The following DDX60L variants were observed in gnomAD, a reference collection of about 807,000 sequenced individuals.
DDX60L encodes the protein DExD/H-box 60 like, also known as probable ATP-dependent RNA helicase DDX60-like.
Under a neutral mutation model 211.6 loss-of-function variants are expected in DDX60L, and 191 were observed. The observed-to-expected ratio is 0.90, with a 90% CI of 0.80 to 1.02. The LOEUF is 1.02. DDX60L is among the 50% of genes least tolerant of loss of function. The pLI, the probability that DDX60L is intolerant of heterozygous loss-of-function variation, is 0.00. For synonymous variants in DDX60L, 706 were observed against 694.1 expected, an observed-to-expected ratio of 1.02 and a Z score of -0.27; for missense variants, 2,007 against 1,984.1, an observed-to-expected ratio of 1.01 and a Z score of -0.22.
chr4:168,450,557 A>C (rs1755669059), intron 8 of DDX60L, among the ~76,000 whole-genome samples: 1 of 151,822 alleles, frequency 6.6e-6, no homozygotes, highest in Non-Finnish European at 1.5e-5. Context: ...ATACCCATCC[A>C]CTCACTATTG....
chr4:168,362,094 C>T (rs2634933), intron 36 of DDX60L, among the ~76,000 whole-genome samples: 125,053 of 151,938 alleles, frequency 0.82, 51,629 homozygotes, highest in African/African-American at 0.88. Context: ...TCGTGCTGCG[C>T]AGCCAGAAAA....
At chr4:168,472,833 C>G in intron 1 of DDX60L, 24 bp from the exon 2 acceptor site, 1 of 910,170 alleles carries the variant, frequency 1.1e-6, no homozygotes. Context: ...AAAAATAGAA[C>G]TGCAGTTATT....
chr4:168,461,068 G>C (rs1033244913), intron 5 of DDX60L, among the ~76,000 whole-genome samples: 1 of 152,126 alleles, frequency 6.6e-6, no homozygotes, highest in South Asian at 2.1e-4. Context: ...CTCACTGTTC[G>C]AGAGTTTTTA....
At chr4:168,372,167 G>C (rs573027672) in intron 35 of DDX60L, among the ~76,000 whole-genome samples, 5 of 152,136 alleles carry the variant, frequency 3.3e-5, no homozygotes, top group Admixed American at 3.3e-4. Context: ...GACCTTGAAA[G>C]GAGTGTCATG....
At chr4:168,381,417 G>A (rs1742932367) in intron 30 of DDX60L, among the ~76,000 whole-genome samples, 1 of 151,978 alleles carries the variant, frequency 6.6e-6, no homozygotes, top group Admixed American at 6.6e-5. Context: ...GGGACTACAG[G>A]TATATGCCAC....
At chr4:168,393,158 A>G (rs1217266334) in intron 28 of DDX60L, among the ~76,000 whole-genome samples, 1 of 152,206 alleles carries the variant, frequency 6.6e-6, no homozygotes, top group Non-Finnish European at 1.5e-5. Flanking sequence ...AACAGCAAGA[A>G]ACAACTTTTA....
At chr4:168,438,907 C>G (rs2130135) in intron 10 of DDX60L, among the ~76,000 whole-genome samples, 1 of 151,986 alleles carries the variant, frequency 6.6e-6, no homozygotes, top group African/African-American at 2.4e-5. Flanking sequence ...TTTTTGTTTT[C>G]TTCTTTTATC....
Position 168,461,927 on chromosome 4 carries a change from G to A in DDX60L, c.378C>T (p.Cys126=), listed in dbSNP as rs1186589623. The part of the protein sequence containing the change: ...NIDVQTEFSG[C]LSQDWKLFLE... ...AGAATAACTTCCAATCTTGTGATAA[G>A]CATCCAGAAAACTCCGTTTGCACAT... is the stretch of plus-strand genomic sequence containing the variant. Residue 126 remains cysteine (C), a synonymous_variant, in exon 5 of 38, where the codon TGC becomes TGT. Transcript: ENST00000682922. The A allele has an allele frequency of 1.2e-6, 2 of 1,612,516 alleles. No homozygotes were observed. The highest frequency in any genetic ancestry group is 2.2e-5 in the South Asian group (2 of 90,760).
chr4:168,465,450 T>C (rs1486543276), intron 4 of DDX60L, among the ~76,000 whole-genome samples: 1 of 152,188 alleles, frequency 6.6e-6, no homozygotes, highest in Non-Finnish European at 1.5e-5. Context: ...AAGGTGTCTC[T>C]TTACTCTGTT....
intron 9 of DDX60L, 121 bp downstream of exon 9, chr4:168,448,517 G>A (rs1371640073): frequency 1.5e-6 from 1 of 665,214 alleles, no homozygotes. Context: ...TACGTAAAAA[G>A]TATGTACACA....
chr4:168,427,623 C>T (rs1423022981), intron 13 of DDX60L, among the ~76,000 whole-genome samples: 1 of 152,030 alleles, frequency 6.6e-6, no homozygotes, highest in Non-Finnish European at 1.5e-5. Context: ...AAAGAGTAGC[C>T]ACTGAGCTTG....
intron 28 of DDX60L, among the ~76,000 whole-genome samples, chr4:168,392,273 A>T (rs1411982950): frequency 1.3e-5 from 2 of 152,210 alleles, no homozygotes; most frequent in Non-Finnish European, 2.9e-5. Context: ...CTTCTTATTT[A>T]CTCTCTTAAT....
intron 4 of DDX60L, 40 bp downstream of exon 4, chr4:168,471,707 T>A: frequency 1.3e-6 from 2 of 1,487,698 alleles, no homozygotes; most frequent in Non-Finnish European, 1.8e-6. Context: ...TCAGTTATAG[T>A]CTTCAAAGGA....
At chr4:168,436,158 C>T (rs563895635) in intron 10 of DDX60L, among the ~76,000 whole-genome samples, 1 of 152,230 alleles carries the variant, frequency 6.6e-6, no homozygotes, top group South Asian at 2.1e-4. Context: ...GATCAAGTGA[C>T]CTGAAAAGTT....
At chr4:168,366,191 A>G (rs1487061259) in intron 36 of DDX60L, among the ~76,000 whole-genome samples, 6 of 152,180 alleles carry the variant, frequency 3.9e-5, no homozygotes, top group Non-Finnish European at 2.9e-5. Flanking sequence ...CGGAAAGGAA[A>G]AAGTCAGATT....
intron 23 of DDX60L, among the ~76,000 whole-genome samples, 185 bp downstream of exon 23, chr4:168,406,417 A>G (rs1256214630): frequency 6.6e-6 from 1 of 152,238 alleles, no homozygotes; most frequent in African/African-American, 2.4e-5. Flanking sequence ...AGAATATTCC[A>G]TGCTACGTAC....
At chr4:168,422,393 C>T (rs865944488) in intron 16 of DDX60L, 131 bp downstream of exon 16, 9 of 842,212 alleles carry the variant, frequency 1.1e-5, no homozygotes, top group Middle Eastern at 3.7e-4. Context: ...TAGTTACATT[C>T]TCCAGGCACA....
chr4:168,461,671 A>G (rs958628009), intron 5 of DDX60L, 28 bp downstream of exon 5: 5 of 1,430,760 alleles, frequency 3.5e-6, no homozygotes, highest in Non-Finnish European at 4.7e-6. Context: ...AGAAATCAGG[A>G]AAAAAATGAG....
At chr4:168,443,945 G>A (rs1398941606) in intron 9 of DDX60L, among the ~76,000 whole-genome samples, 5 of 116,060 alleles carry the variant, frequency 4.3e-5, no homozygotes, top group East Asian at 5.0e-4. Context: ...AAAGACCAGC[G>A]AGACTAGGAA....
Sources: allele counts gnomAD v4.1 joint callset (sites outside exome capture counted in the v4.1 genomes callset), GRCh38; gene constraint gnomAD v4.1.1; transcripts MANE v1.5; gene names NCBI Gene and HGNC (gene_info 2026-07-23, HGNC 2026-07-21).